The following PHACTR2 variants were observed in gnomAD, a reference collection of about 807,000 sequenced individuals.
PHACTR2 encodes the protein chromosome 6 open reading frame 56.
PHACTR2 carries 30 observed loss-of-function variants against 76.0 expected under a neutral mutation model. That is an observed-to-expected ratio of 0.39 (90% CI 0.30 to 0.54). The LOEUF (loss-of-function observed/expected upper bound fraction) is 0.54. Among genes scored for constraint, PHACTR2 ranks in the 20% least tolerant of loss-of-function variants. The pLI is 0.61. For missense variants in PHACTR2, 696 were observed against 781.1 expected (o/e 0.89, Z 1.30); for synonymous variants, 292 against 292.5 (o/e 1.00, Z 0.02).
At chr6:143,569,918 T>A (rs1195092022) in intron 1 of PHACTR2, among the ~76,000 whole-genome samples, 2 of 152,244 alleles carry the variant, frequency 1.3e-5, no homozygotes, top group African/African-American at 4.8e-5. Flanking sequence ...TATGGTGGAA[T>A]GTCTTAAAGA....
rs1353524540 is a variant in PHACTR2 at position 143,712,039 on chromosome 6, A to G, written c.70A>G (p.Ile24Val). ...AGTTGACGGACTGGACAAAGCTTCT[A>G]TAGCAAACTCAGATGGCCCCACAGC... Reference protein sequence around the residue: ...GSVDGLDKASIANSDGPTAGS... With the variant: ...GSVDGLDKASVANSDGPTAGS... Residue 24 changes from isoleucine to valine, a missense_variant, in exon 2 of 13, where the codon ATA (isoleucine) becomes GTA (valine). Transcript: ENST00000440869. The G allele has an allele frequency of 1.9e-6, 3 of 1,590,636 alleles. No homozygotes were observed. Among genetic ancestry groups the G allele is most frequent in the Non-Finnish European group, 8.5e-7 (1 of 1,171,110 alleles).
Position 143,598,979 on chromosome 6 carries a change from C to T in PHACTR2, c.217+61772C>T, listed in dbSNP as rs1327832002. Among the ~76,000 whole-genome samples, 1 of 152,164 alleles carries T rather than the reference C, an allele frequency of 6.6e-6. No individual in the cohort carries two copies. The highest frequency in any genetic ancestry group is 1.5e-5 in the Non-Finnish European group (1 of 68,034). ...TTGTAATTAAATTTAGATAGCATCTCACCCCTGACTCTTTTAGAACAATGA... is the reference window on the plus strand; with the variant it reads ...TTGTAATTAAATTTAGATAGCATCTTACCCCTGACTCTTTTAGAACAATGA... On this transcript the variant is annotated intron_variant, in intron 1 of 11. Coordinates refer to the PHACTR2 transcript ENST00000367584. The surrounding 1 kb of genome is among the most constrained non-coding windows in gnomAD (Gnocchi z 4.1).
At chr6:143,538,032 C>A (rs1282762781) in intron 1 of PHACTR2, among the ~76,000 whole-genome samples, 1 of 152,172 alleles carries the variant, frequency 6.6e-6, no homozygotes, top group Non-Finnish European at 1.5e-5. Flanking sequence ...ATCGCTTGAA[C>A]CTGGGAGGCA....
At position 143,647,427 on chromosome 6, in the gene PHACTR2, C is replaced by G. The variant is rs1023259491; in HGVS notation, c.13+39105C>G. Among the ~76,000 whole-genome samples, 1 of 152,232 alleles carries G rather than the reference C, an allele frequency of 6.6e-6. No individual in the cohort carries two copies. The highest frequency in any genetic ancestry group is 1.5e-5 in the Non-Finnish European group (1 of 68,054). On this transcript the variant is annotated intron_variant, in intron 1 of 11. Transcript: ENST00000305766. This position sits in a 1 kb window ranked among gnomAD's most constrained non-coding sequence, Gnocchi z 4.2. ...GGAAACCATTTCACATGTGTTTATT[C>G]ATTCACACCTACAGTGTGCCAGCTC...
rs1775169669 is a variant in PHACTR2 at position 143,556,042 on chromosome 6, T to C, written c.217+18835T>C. 1.3e-5 allele frequency among the ~76,000 whole-genome samples: 2 copies of C among 152,276 alleles called. No homozygotes were observed. The highest frequency in any genetic ancestry group is 4.1e-4 in the South Asian group (2 of 4,828). On this transcript the variant is annotated intron_variant, in intron 1 of 11. Transcript: ENST00000367584. This position sits in a 1 kb window ranked among gnomAD's most constrained non-coding sequence, Gnocchi z 4.3. ...AACAAAAAGAAAAGAGACCAAACCT[T>C]TTACTCTTAGTAATTAATCTATTTG...
At chr6:143,752,878 G>A (rs1236094992) in intron 3 of PHACTR2, among the ~76,000 whole-genome samples, 1 of 152,100 alleles carries the variant, frequency 6.6e-6, no homozygotes, top group African/African-American at 2.4e-5. Context: ...CAGATATAAA[G>A]TAGGGTTAAT....
chr6:143,810,270 T>C (rs2128484461), intron 12 of PHACTR2, among the ~76,000 whole-genome samples: 1 of 152,356 alleles, frequency 6.6e-6, no homozygotes, highest in East Asian at 1.9e-4. Context: ...GCCTTGACTT[T>C]CTTTATGCAT....
At position 143,595,538 on chromosome 6, in the gene PHACTR2, C is replaced by T. The variant is rs1328789946; in HGVS notation, c.217+58331C>T. On this transcript the variant is annotated intron_variant, in intron 1 of 11. Coordinates refer to the PHACTR2 transcript ENST00000367584. This position sits in a 1 kb window ranked among gnomAD's most constrained non-coding sequence, Gnocchi z 4.2. Reference sequence around the variant, plus strand: ...AACATATTTTTAATTCAGACTTTCACAGAGCAAGCTATAAGGTGTGTCTTG... The same window carrying T: ...AACATATTTTTAATTCAGACTTTCATAGAGCAAGCTATAAGGTGTGTCTTG... 6.6e-6 allele frequency among the ~76,000 whole-genome samples: 1 copy of T among 152,204 alleles called. No individual in the cohort carries two copies. Among genetic ancestry groups the T allele is most frequent in the Non-Finnish European group, 1.5e-5 (1 of 68,028 alleles).
At position 143,578,369 on chromosome 6, in the gene PHACTR2, A is replaced by G. The variant is rs1402913490; in HGVS notation, c.217+41162A>G. Among the ~76,000 whole-genome samples, 1 of 152,140 alleles carries G rather than the reference A, an allele frequency of 6.6e-6. No individual in the cohort carries two copies. Among genetic ancestry groups the G allele is most frequent in the African/African-American group, 2.4e-5 (1 of 41,436 alleles). On this transcript the variant is annotated intron_variant, in intron 1 of 11. Transcript: ENST00000367584. The surrounding 1 kb of genome is among the most constrained non-coding windows in gnomAD (Gnocchi z 4.5). Reference sequence around the variant, plus strand: ...TTAACTTTCCTCAGGGAGGCAGGGGAGGCCAGAAGTCAAGAGAATAGATAC... The same window carrying G: ...TTAACTTTCCTCAGGGAGGCAGGGGGGGCCAGAAGTCAAGAGAATAGATAC...
chr6:143,792,396 G>C (rs1040203702), intron 11 of PHACTR2, among the ~76,000 whole-genome samples: 2 of 151,962 alleles, frequency 1.3e-5, no homozygotes, highest in South Asian at 4.1e-4. Context: ...TTGGTGCAAG[G>C]TTTCTTCCAT....
rs1775577968 is a variant in PHACTR2, at chr6:143,581,831, C to G, written c.217+44624C>G. On this transcript the variant is annotated intron_variant, in intron 1 of 11. Transcript: ENST00000367584. This position sits in a 1 kb window ranked among gnomAD's most constrained non-coding sequence, Gnocchi z 4.5. ...TGGGTGACAGAGTGAGAACCCTGTT[C>G]CCCTCCCCACCCCTCAAAAAGGAAA... Among the ~76,000 whole-genome samples, 1 of 152,020 alleles carries G rather than the reference C, an allele frequency of 6.6e-6. No homozygotes were observed. The highest frequency in any genetic ancestry group is 1.5e-5 in the Non-Finnish European group (1 of 68,010).
chr6:143,773,919 T>C, intron 7 of PHACTR2, 140 bp from the exon 8 acceptor site: 6 of 552,140 alleles, frequency 1.1e-5, no homozygotes, highest in Non-Finnish European at 1.9e-5. Flanking sequence ...CTTTTTTTCC[T>C]TAGGTTAATT....
intron 1 of PHACTR2, among the ~76,000 whole-genome samples, chr6:143,569,032 G>A (rs1388151829): frequency 6.6e-6 from 1 of 152,130 alleles, no homozygotes. Context: ...ATTTCTCCCT[G>A]GAGACTGTTT....
chr6:143,713,804 C>G (rs1368675438), intron 2 of PHACTR2, among the ~76,000 whole-genome samples: 1 of 152,172 alleles, frequency 6.6e-6, no homozygotes, highest in Non-Finnish European at 1.5e-5. Context: ...ACCTCACTGG[C>G]CTTCTTCAAG....
chr6:143,658,586 C>A lies in PHACTR2; in HGVS notation c.13+50264C>A, dbSNP rs1259503471. On this transcript the variant is annotated intron_variant, in intron 1 of 11. Transcript: ENST00000305766. The surrounding 1 kb of genome is among the most constrained non-coding windows in gnomAD (Gnocchi z 4.1). ...AGGCTGTATGGTATAGCTTATTTCT[C>A]CCAAGCTACAAATCTGTGCAGCATG... 6.6e-6 allele frequency among the ~76,000 whole-genome samples: 1 copy of A among 152,142 alleles called. No individual in the cohort carries two copies. The highest frequency in any genetic ancestry group is 1.5e-5 in the Non-Finnish European group (1 of 68,022).
chr6:143,627,920 C>G lies in PHACTR2; in HGVS notation c.13+19598C>G, dbSNP rs554610258. On this transcript the variant is annotated intron_variant, in intron 1 of 11. Transcript: ENST00000305766. The surrounding 1 kb of genome is among the most constrained non-coding windows in gnomAD (Gnocchi z 4.3). The stretch of plus-strand genomic sequence containing the variant: ...CCTTTTCATCTACCTCAAGAAAACC[C>G]TATACCCATTGTGCAGTCATGACTA... Among the ~76,000 whole-genome samples the G allele has an allele frequency of 4.6e-5, 7 of 152,280 alleles. No individual in the cohort carries two copies. In the South Asian group the frequency reaches 1.0e-3, roughly 23 times the overall value.
chr6:143,564,209 ATATATATATATATATATATATATATATG>A lies in PHACTR2; in HGVS notation c.217+27006_217+27033del, dbSNP rs1421789075. On this transcript the variant is annotated intron_variant, in intron 1 of 11. Coordinates refer to the PHACTR2 transcript ENST00000367584. ...TGTGTGTGTGTGCATATATATATAT[ATATATATATATATATATATATATATATG>A]TATGCCACTGCACTCTAACCTTGGC... Among the ~76,000 whole-genome samples, 28 of 105,214 alleles carry A rather than the reference ATATATATATATATATATATATATATATG, an allele frequency of 2.7e-4. 2 individuals carry two copies. Among genetic ancestry groups the A allele is most frequent in the Non-Finnish European group, 5.3e-4 (26 of 49,448 alleles). 69.0% of individuals were successfully genotyped at this position (105,214 alleles called of 152,430 possible).
At chr6:143,573,867 T>C (rs1448470502) in intron 1 of PHACTR2, among the ~76,000 whole-genome samples, 1 of 152,220 alleles carries the variant, frequency 6.6e-6, no homozygotes, top group Non-Finnish European at 1.5e-5. Context: ...TGGTTCTCCA[T>C]AACTGTTTAT....
In PHACTR2 at chr6:143,549,823, G is replaced by C. The variant is rs114508286; in HGVS notation, c.217+12616G>C. ...GTGTTAAAGTCATGCTTAGGAGTGG[G>C]GGTGGGGTGTCTCGGTATGATTCAG... On this transcript the variant is annotated intron_variant, in intron 1 of 11. Coordinates refer to the PHACTR2 transcript ENST00000367584. The surrounding 1 kb of genome is among the most constrained non-coding windows in gnomAD (Gnocchi z 4.2). 1.3e-5 allele frequency among the ~76,000 whole-genome samples: 2 copies of C among 151,728 alleles called. No individual in the cohort carries two copies. The highest frequency in any genetic ancestry group is 4.8e-5 in the African/African-American group (2 of 41,308).
Sources: gnomAD v4.1 joint callset for allele counts (sites outside exome capture counted in the v4.1 genomes callset) on GRCh38, gnomAD v4.1.1 for gene constraint, Gnocchi (gnomAD v3.1) non-coding constraint, MANE v1.5 for transcripts, NCBI Gene and HGNC (gene_info 2026-07-23, HGNC 2026-07-21) for gene names.